EHBP1: variants seen among roughly 807,000 people sequenced by gnomAD.
EHBP1 encodes EH domain-binding protein 1.
A neutral mutation model predicts 144.0 loss-of-function variants in EHBP1; 55 were observed. The observed-to-expected ratio is 0.38, with a 90% CI of 0.31 to 0.48. The LOEUF (loss-of-function observed/expected upper bound fraction) is 0.48. Ranked by LOEUF, EHBP1 falls within the 20% of genes least tolerant of loss-of-function variation. The probability of loss-of-function intolerance (pLI) is 0.98; values close to 1 mark genes in which losing one functional copy is unlikely to be tolerated. For synonymous variants in EHBP1, 469 were observed against 472.7 expected, an observed-to-expected ratio of 0.99 and a Z score of 0.10; for missense variants, 1,200 against 1,364.2, an observed-to-expected ratio of 0.88 and a Z score of 1.90.
At chr2:62,761,308 A>G (rs2040748933) in intron 3 of EHBP1, among the ~76,000 whole-genome samples, 1 of 152,190 alleles carries the variant, frequency 6.6e-6, no homozygotes, top group African/African-American at 2.4e-5. Flanking sequence ...TCACTATGGT[A>G]TGCTAAGTCT....
Position 62,820,708 on chromosome 2 carries a change from T to TGG in EHBP1, c.313-5377_313-5376dup, listed in dbSNP as rs1297298271. ...TTTTTAAGGCTGAATAGTATTCCAT[T>TGG]GGGTGTGTGTGTGTGTGTGTGTGTG... On this transcript the variant is annotated intron_variant, in intron 5 of 22. Transcript: ENST00000431489. Among the ~76,000 whole-genome samples the TGG allele has an allele frequency of 1.3e-3, 176 of 132,802 alleles. 4 individuals are homozygous for TGG. The highest frequency in any genetic ancestry group is 4.8e-3 in the African/African-American group (161 of 33,568). The allele number at this position is 132,802 out of a possible 152,430, so 87.1% of individuals were successfully genotyped here. A position where few individuals can be genotyped will look rare whatever the true frequency, so the allele number is the denominator to read the frequency against.
intron 5 of EHBP1, among the ~76,000 whole-genome samples, chr2:62,798,237 G>T (rs910597574): frequency 6.6e-6 from 1 of 152,138 alleles, no homozygotes; most frequent in Non-Finnish European, 1.5e-5. Context: ...GAGTGGTGGC[G>T]CATGCCTTTA....
At chr2:62,914,115 A>T (rs908872494) in intron 10 of EHBP1, among the ~76,000 whole-genome samples, 8 of 152,044 alleles carry the variant, frequency 5.3e-5, no homozygotes, top group Admixed American at 3.3e-4. Context: ...ACAGCATTTT[A>T]AAAAAAATCT....
At chr2:62,877,485 C>T (rs1483445511) in intron 10 of EHBP1, among the ~76,000 whole-genome samples, 1 of 152,144 alleles carries the variant, frequency 6.6e-6, no homozygotes, top group Non-Finnish European at 1.5e-5. Context: ...AAACTTGTCA[C>T]TTGACTAAAT....
At chr2:63,023,765 A>G (rs1042197659) in intron 19 of EHBP1, among the ~76,000 whole-genome samples, 27 of 152,208 alleles carry the variant, frequency 1.8e-4, no homozygotes, top group African/African-American at 5.8e-4. Context: ...CTTCATGGCT[A>G]TATCTGTTGT....
chr2:62,931,732 C>T (rs1276810892), intron 10 of EHBP1, among the ~76,000 whole-genome samples: 1 of 152,148 alleles, frequency 6.6e-6, no homozygotes, highest in Admixed American at 6.5e-5. Flanking sequence ...TGAATCATCC[C>T]CTTGTCCAAT....
intron 10 of EHBP1, among the ~76,000 whole-genome samples, chr2:62,933,103 T>G (rs551964213): frequency 1.3e-5 from 2 of 151,956 alleles, no homozygotes; most frequent in African/African-American, 4.8e-5. Context: ...AAATTAACAC[T>G]GAGAAGTTTT....
At chr2:62,919,136 G>A (rs542566023) in intron 10 of EHBP1, among the ~76,000 whole-genome samples, 15 of 152,152 alleles carry the variant, frequency 9.9e-5, no homozygotes, top group Non-Finnish European at 1.8e-4. Flanking sequence ...TCAAATATCC[G>A]AAATTTGTTC....
intron 7 of EHBP1, among the ~76,000 whole-genome samples, chr2:62,847,138 C>G (rs1037925514): frequency 6.6e-6 from 1 of 152,054 alleles, no homozygotes; most frequent in African/African-American, 2.4e-5. Flanking sequence ...ATCAACAGAA[C>G]AAAACAAAGT....
intron 1 of EHBP1, among the ~76,000 whole-genome samples, chr2:62,687,307 A>G (rs1021100948): frequency 6.6e-6 from 1 of 152,206 alleles, no homozygotes; most frequent in Non-Finnish European, 1.5e-5. Context: ...CTATTGATGG[A>G]AGGAGGTAGA....
chr2:62,722,818 G>A lies in EHBP1; in HGVS notation c.104+15523G>A, dbSNP rs558527228. On this transcript the variant is annotated intron_variant, in intron 2 of 22. Transcript: ENST00000431489. ...TGCAGTAATACCAAAGTGAAGCTGT[G>A]TATTCTCTGCATCAGGAGTCACATG... 6.6e-5 allele frequency among the ~76,000 whole-genome samples: 10 copies of A among 152,318 alleles called. No individual in the cohort carries two copies. In the East Asian group the frequency reaches 1.9e-3, roughly 29 times the overall value.
intron 1 of EHBP1, among the ~76,000 whole-genome samples, chr2:62,693,478 A>G (rs1409712908): frequency 6.6e-6 from 1 of 151,970 alleles, no homozygotes; most frequent in East Asian, 1.9e-4. Flanking sequence ...TCTGTTGGTT[A>G]TTTTTTCACT....
chr2:62,720,333 G>A (rs2036105603), intron 2 of EHBP1, among the ~76,000 whole-genome samples: 1 of 151,992 alleles, frequency 6.6e-6, no homozygotes, highest in African/African-American at 2.4e-5. Context: ...CTATATTACT[G>A]CCATAGTTGT....
At chr2:62,970,983 C>T (rs1180740096) in intron 14 of EHBP1, among the ~76,000 whole-genome samples, 2 of 152,026 alleles carry the variant, frequency 1.3e-5, no homozygotes, top group East Asian at 1.9e-4. Flanking sequence ...AAATTGCATA[C>T]CAATACATTT....
At chr2:62,904,148 G>T (rs562643812) in intron 10 of EHBP1, among the ~76,000 whole-genome samples, 1 of 152,318 alleles carries the variant, frequency 6.6e-6, no homozygotes, top group East Asian at 1.9e-4. Flanking sequence ...GGAAAGTGGT[G>T]TGGAACTTTA....
intron 10 of EHBP1, among the ~76,000 whole-genome samples, chr2:62,933,560 T>C (rs1459228021): frequency 6.6e-6 from 1 of 152,210 alleles, no homozygotes; most frequent in Non-Finnish European, 1.5e-5. Flanking sequence ...TTGGAAAACA[T>C]TGATTCCCGT....
chr2:62,818,712 T>A (rs1331433717), intron 5 of EHBP1, among the ~76,000 whole-genome samples: 17 of 152,096 alleles, frequency 1.1e-4, no homozygotes, highest in Admixed American at 1.1e-3. Flanking sequence ...TAGAAAACAT[T>A]GACTAGAAAG....
rs539671861 is a variant in EHBP1 at position 63,021,806 on chromosome 2, G to A, written c.3104-15729G>A. ...TTTTAAAACGGAGTCTCACACTGTC[G>A]CCCGGGCTAGAGTGTAGTGGCTCGA... On this transcript the variant is annotated intron_variant, in intron 19 of 22. Transcript: ENST00000431489. Among the ~76,000 whole-genome samples the A allele has an allele frequency of 5.3e-5, 8 of 151,280 alleles. No homozygotes were observed. In the South Asian group the frequency reaches 1.0e-3, roughly 20 times the overall value.
chr2:62,870,266 A>G (rs756714155), intron 9 of EHBP1, among the ~76,000 whole-genome samples: 2 of 152,160 alleles, frequency 1.3e-5, no homozygotes, highest in African/African-American at 4.8e-5. Flanking sequence ...GTTGTATTTT[A>G]TAAGGGGCAT....
Sources: allele counts gnomAD v4.1 joint callset (sites outside exome capture counted in the v4.1 genomes callset), GRCh38; gene constraint gnomAD v4.1.1; transcripts MANE v1.5; gene names NCBI Gene and HGNC (gene_info 2026-07-23, HGNC 2026-07-21).